Variants in VIM observed in about 807,000 individuals in gnomAD.
VIM encodes the protein vimentin.
VIM carries 18 observed loss-of-function variants against 50.3 expected under a neutral mutation model. The ratio of observed to expected loss-of-function variants is 0.36; its 90% confidence interval spans 0.25 to 0.53. The LOEUF (loss-of-function observed/expected upper bound fraction) is 0.53, where lower values mean the gene tolerates loss of function less well. Among genes scored for constraint, VIM ranks in the 20% least tolerant of loss-of-function variants. The pLI is 0.91. For synonymous variants in VIM, 245 were observed against 248.5 expected, an observed-to-expected ratio of 0.99 and a Z score of 0.13; for missense variants, 551 against 614.7, an observed-to-expected ratio of 0.90 and a Z score of 1.10.
chr10:17,232,117 C>G lies in VIM; in HGVS notation c.624+1407C>G, dbSNP rs1466079197. 2.6e-5 allele frequency among the ~76,000 whole-genome samples: 4 copies of G among 152,288 alleles called. No homozygotes were observed. In the East Asian group the frequency reaches 7.7e-4, roughly 29 times the overall value. ...TCGAGATTAAGCAAAATTCCTCATT[C>G]TCTTCAATGTGATAGAATACCACAT... On this transcript the variant is annotated intron_variant, in intron 3 of 9. Coordinates refer to ENST00000544301, the MANE Select transcript of VIM (RefSeq NM_003380.5).
chr10:17,229,735 G>C lies in VIM; in HGVS notation c.313G>C (p.Val105Leu). 1 of 1,583,228 alleles carries C rather than the reference G, an allele frequency of 6.3e-7. No individual in the cohort carries two copies. Among genetic ancestry groups the C allele is most frequent in the Non-Finnish European group, 8.6e-7 (1 of 1,163,802 alleles). ...EFKNTRTNEK[V>L]ELQELNDRFA... is the part of the protein sequence containing the mutation. ...CAAGAACACCCGCACCAACGAGAAG[G>C]TGGAGCTGCAGGAGCTGAATGACCG... The change falls in exon 2 of 10, where the codon GTG (valine) becomes CTG (leucine). Residue 105 changes from valine to leucine, a missense_variant. Coordinates refer to ENST00000544301, the MANE Select transcript of VIM (RefSeq NM_003380.5).
At chr10:17,232,982 C>G (rs181069434) in intron 3 of VIM, among the ~76,000 whole-genome samples, 4 of 152,302 alleles carry the variant, frequency 2.6e-5, no homozygotes, top group African/African-American at 9.6e-5. Flanking sequence ...GAGTGTCACT[C>G]TGTTGCCCAG....
chr10:17,233,759 T>C lies in VIM; in HGVS notation c.721-11T>C, dbSNP rs1431849474. The C allele has an allele frequency of 6.2e-7, 1 of 1,614,182 alleles. No homozygotes were observed. The highest frequency in any genetic ancestry group is 1.3e-5 in the African/African-American group (1 of 75,030). On this transcript the variant is annotated splice_polypyrimidine_tract_variant and intron_variant, in intron 4 of 9. Transcript: ENST00000544301. Reference sequence around the variant, plus strand: ...TTGGCAGAGCTGACCGTCTGTCTGTTCTTTTTGCAGGAAATCCAGGAGCTG... The same window carrying C: ...TTGGCAGAGCTGACCGTCTGTCTGTCCTTTTTGCAGGAAATCCAGGAGCTG...
At position 17,230,932 on chromosome 10, in the gene VIM, T is replaced by G. The variant is rs571981852; in HGVS notation, c.624+222T>G. 2.0e-5 allele frequency: 10 copies of G among 504,454 alleles called. No individual in the cohort carries two copies. In the East Asian group the frequency reaches 3.7e-4, roughly 19 times the overall value. 31.2% of individuals were successfully genotyped at this position (504,454 alleles called of 1,614,324 possible). On this transcript the variant is annotated intron_variant, in intron 3 of 9. Transcript: ENST00000544301. ...TTTTTTTTTTTTTTGAGACGGAGTC[T>G]TACTCTGTCGCCCAGGCTGGAGTGC... is the stretch of plus-strand genomic sequence containing the variant.
intron 5 of VIM, 179 bp downstream of exon 5, chr10:17,234,110 T>G: frequency 1.5e-6 from 1 of 687,982 alleles, no homozygotes; most frequent in African/African-American, 1.8e-5. Flanking sequence ...CTTTATTTAT[T>G]TATTTATTTT....
At position 17,230,682 on chromosome 10, in the gene VIM, C is replaced by T; in HGVS notation, c.596C>T (p.Ala199Val). The change falls in exon 3 of 10, where the codon GCC (alanine) becomes GTC (valine). Residue 199 changes from alanine to valine, a missense_variant. This residue lies in a region of VIM where 394 missense variants were observed against 437.5 expected (regional missense o/e 0.90). Transcript: ENST00000544301. ...LQEEMLQREEAENTLQSFRQD... is the reference protein window; with the variant it reads ...LQEEMLQREEVENTLQSFRQD... Reference sequence around the variant, plus strand: ...GAGGAGATGCTTCAGAGAGAGGAAGCCGAAAACACCCTGCAATCTTTCAGA... The same window carrying T: ...GAGGAGATGCTTCAGAGAGAGGAAGTCGAAAACACCCTGCAATCTTTCAGA... The T allele has an allele frequency of 6.2e-7, 1 of 1,614,156 alleles. No individual in the cohort carries two copies. Among genetic ancestry groups the T allele is most frequent in the Non-Finnish European group, 8.5e-7 (1 of 1,180,030 alleles).
chr10:17,230,606 G>A (rs938902628), intron 2 of VIM, 44 bp from the exon 3 acceptor site: 5 of 1,611,260 alleles, frequency 3.1e-6, no homozygotes, highest in Non-Finnish European at 4.2e-6. Context: ...CCCCGCCCCT[G>A]GCGGTTTCCT....
rs777161019 is a variant in VIM, at chr10:17,236,345, T to C, written c.1325T>C (p.Leu442Pro). The change falls in exon 9 of 10, where the codon CTT becomes CCT. Residue 442 changes from leucine (L) to proline (P), a missense_variant. Physicochemically the swap from Leu to Pro is moderately conservative, Grantham distance 98. Around this residue, in one of 3 missense-constraint regions of VIM, gnomAD observed 394 missense variants for 437.5 expected, o/e 0.90. Transcript: ENST00000544301. ...PLVDTHSKRT[L>P]LIKTVETRDG... ...GTTGATACCCACTCAAAAAGGACAC[T>C]TCTGATTAAGACGGTTGAAACTAGA... is the stretch of plus-strand genomic sequence containing the variant. 12 of 1,613,788 alleles carry C rather than the reference T, an allele frequency of 7.4e-6. No individual in the cohort carries two copies. Among genetic ancestry groups the C allele is most frequent in the Non-Finnish European group, 1.0e-5 (12 of 1,179,824 alleles).
At chr10:17,237,122 A>C in intron 9 of VIM, 108 bp from the exon 10 acceptor site, 3 of 1,046,658 alleles carry the variant, frequency 2.9e-6, no homozygotes, top group Non-Finnish European at 2.9e-6. Flanking sequence ...TCTGATTTGC[A>C]CAATAAATTA....
In VIM at chr10:17,235,378, C is replaced by T. The variant is rs1023005847; in HGVS notation, c.1218C>T (p.Gly406=). The part of the protein sequence containing the change: ...EIATYRKLLE[G]EESRISLPLP... ...CCACCTACAGGAAGCTGCTGGAAGG[C>T]GAGGAGAGCAGGTAGGGAACTCAGA... Residue 406 remains glycine (G), a synonymous_variant, in exon 7 of 10, where the codon GGC becomes GGT. Transcript: ENST00000544301. The T allele has an allele frequency of 2.4e-5, 39 of 1,613,974 alleles. No homozygotes were observed. Among genetic ancestry groups the T allele is most frequent in the Non-Finnish European group, 3.1e-5 (37 of 1,180,042 alleles).
intron 5 of VIM, among the ~76,000 whole-genome samples, chr10:17,234,463 C>T (rs1041722905): frequency 6.6e-6 from 1 of 152,150 alleles, no homozygotes; most frequent in Non-Finnish European, 1.5e-5. Flanking sequence ...AACCTTGCCT[C>T]CAAGTAAACC....
intron 2 of VIM, chr10:17,230,399 G>C: frequency 1.7e-6 from 1 of 589,020 alleles, no homozygotes; most frequent in Non-Finnish European, 3.0e-6. Context: ...ACAAAGGGAT[G>C]GTCCCTCGGG....
rs1588735455 is a variant in VIM, at chr10:17,234,760, C to G, written c.950C>G (p.Thr317Ser). ...CTGCGCCAGGCAAAGCAGGAGTCCA[C>G]TGAGTACCGGAGACAGGTGCAGTCC... is the stretch of plus-strand genomic sequence containing the variant. The part of the protein sequence containing the change: ...DALRQAKQES[T>S]EYRRQVQSLT... Residue 317 changes from threonine to serine, a missense_variant, in exon 6 of 10, where the codon ACT becomes AGT. By Grantham distance (58) the Thr-to-Ser change is moderately conservative. This residue lies in a region of VIM where 394 missense variants were observed against 437.5 expected (regional missense o/e 0.90). Transcript: ENST00000544301. 1 of 1,614,066 alleles carries G rather than the reference C, an allele frequency of 6.2e-7. No homozygotes were observed. Among genetic ancestry groups the G allele is most frequent in the African/African-American group, 1.3e-5 (1 of 74,914 alleles).
Position 17,234,704 on chromosome 10 carries a change from C to G in VIM, c.894C>G (p.Leu298=). The change falls in exon 6 of 10, where the codon CTC becomes CTG. Residue 298 remains leucine (L), a synonymous_variant. Transcript: ENST00000544301. ...EEWYKSKFAD[L]SEAANRNNDA... is the part of the protein sequence containing the mutation. ...TTTCTTCCCAACAGTTTGCTGACCT[C>G]TCTGAGGCTGCCAACCGGAACAATG... 6.2e-7 allele frequency: 1 copy of G among 1,614,064 alleles called. No individual in the cohort carries two copies. Among genetic ancestry groups the G allele is most frequent in the Non-Finnish European group, 8.5e-7 (1 of 1,180,018 alleles).
In VIM at chr10:17,236,330, A is replaced by C; in HGVS notation, c.1310A>C (p.His437Pro). 3.1e-6 allele frequency: 5 copies of C among 1,613,954 alleles called. No homozygotes were observed. The highest frequency in any genetic ancestry group is 4.2e-6 in the Non-Finnish European group (5 of 1,179,888). ...NLDSLPLVDT[H>P]SKRTLLIKTV... The stretch of plus-strand genomic sequence containing the variant: ...GATTCACTCCCTCTGGTTGATACCC[A>C]CTCAAAAAGGACACTTCTGATTAAG... Residue 437 changes from histidine to proline, a missense_variant, in exon 9 of 10, where the codon CAC becomes CCC. By Grantham distance (77) the His-to-Pro change is moderately conservative. Coordinates refer to ENST00000544301, the MANE Select transcript of VIM (RefSeq NM_003380.5).
chr10:17,230,681 G>C lies in VIM; in HGVS notation c.595G>C (p.Ala199Pro). The C allele has an allele frequency of 6.2e-7, 1 of 1,614,184 alleles. No individual in the cohort carries two copies. The highest frequency in any genetic ancestry group is 8.5e-7 in the Non-Finnish European group (1 of 1,180,030). ...LQEEMLQREE[A>P]ENTLQSFRQD... The stretch of plus-strand genomic sequence containing the variant: ...GGAGGAGATGCTTCAGAGAGAGGAA[G>C]CCGAAAACACCCTGCAATCTTTCAG... The change falls in exon 3 of 10, where the codon GCC becomes CCC. Residue 199 changes from alanine to proline, a missense_variant. Ala to Pro is a conservative substitution (Grantham distance 27). This residue lies in a region of VIM where 394 missense variants were observed against 437.5 expected (regional missense o/e 0.90). Coordinates refer to ENST00000544301, the MANE Select transcript of VIM (RefSeq NM_003380.5).
chr10:17,232,093 C>T (rs1370822373), intron 3 of VIM, among the ~76,000 whole-genome samples: 8 of 152,092 alleles, frequency 5.3e-5, no homozygotes, highest in South Asian at 2.1e-4. Context: ...TCCTCTGTTT[C>T]GAGATTAAGC....
rs752183652 is a variant in VIM, at chr10:17,235,838, G to A, written c.1230-8G>A. On this transcript the variant is annotated splice_region_variant and splice_polypyrimidine_tract_variant and intron_variant, in intron 7 of 9. Transcript: ENST00000544301. Reference sequence around the variant, plus strand: ...ACAATTTTACTGTTTCTCTTCATCTGTTTATAGGATTTCTCTGCCTCTTCC... The same window carrying A: ...ACAATTTTACTGTTTCTCTTCATCTATTTATAGGATTTCTCTGCCTCTTCC... 2.5e-6 allele frequency: 4 copies of A among 1,613,640 alleles called. No individual in the cohort carries two copies. Among genetic ancestry groups the A allele is most frequent in the Non-Finnish European group, 3.4e-6 (4 of 1,179,620 alleles).
chr10:17,230,849 A>G, intron 3 of VIM, 139 bp downstream of exon 3: 1 of 900,358 alleles, frequency 1.1e-6, no homozygotes. Flanking sequence ...TGGCGGGAAG[A>G]CCACAGGTTG....
Sources: allele counts gnomAD v4.1 joint callset (sites outside exome capture counted in the v4.1 genomes callset), GRCh38; gene constraint gnomAD v4.1.1; regional missense constraint gnomAD v4.1.1; transcripts MANE v1.5; gene names NCBI Gene and HGNC (gene_info 2026-07-23, HGNC 2026-07-21).